LRRTM3: variants seen among roughly 807,000 people sequenced by gnomAD.
The protein encoded by LRRTM3 is leucine-rich repeat transmembrane neuronal protein 3.
Under a neutral mutation model 44.7 loss-of-function variants are expected in LRRTM3, and 24 were observed. The observed-to-expected ratio is 0.54, with a 90% confidence interval of 0.39 to 0.76. The LOEUF (loss-of-function observed/expected upper bound fraction) is 0.76. LRRTM3 is among the 30% of genes least tolerant of loss of function. The probability of loss-of-function intolerance (pLI) is 0.00; values close to 1 mark genes in which losing one functional copy is unlikely to be tolerated. For missense variants in LRRTM3, 587 were observed against 702.2 expected (o/e 0.84, Z 1.85); for synonymous variants, 277 against 278.7 (o/e 0.99, Z 0.06).
chr10:67,013,804 GC>G (rs1852484695), intron 2 of LRRTM3, among the ~76,000 whole-genome samples: 2 of 152,144 alleles, frequency 1.3e-5, no homozygotes, highest in South Asian at 4.2e-4. Context: ...CTTCTGATTT[GC>G]ATGAATTTTA....
intron 2 of LRRTM3, among the ~76,000 whole-genome samples, chr10:67,085,178 A>AT (rs1857232173): frequency 6.6e-6 from 1 of 151,942 alleles, no homozygotes; most frequent in Non-Finnish European, 1.5e-5. Context: ...AACACCTCAC[A>AT]TTTTTTATGT....
intron 2 of LRRTM3, among the ~76,000 whole-genome samples, chr10:66,959,781 T>C (rs1849017580): frequency 5.3e-5 from 8 of 152,164 alleles, no homozygotes. Context: ...TTTCTCTCTA[T>C]CCGACCAGAA....
At chr10:67,071,649 T>A (rs1856471855) in intron 2 of LRRTM3, among the ~76,000 whole-genome samples, 1 of 152,280 alleles carries the variant, frequency 6.6e-6, no homozygotes, top group African/African-American at 2.4e-5. Context: ...TGTGTGGCGG[T>A]CTTTCCAAAA....
intron 2 of LRRTM3, among the ~76,000 whole-genome samples, chr10:67,036,694 A>T (rs1028490379): frequency 6.6e-6 from 1 of 152,142 alleles, no homozygotes; most frequent in Admixed American, 6.5e-5. Context: ...TTTTTAAAGG[A>T]TAAATATCGA....
intron 2 of LRRTM3, among the ~76,000 whole-genome samples, chr10:67,064,718 G>T (rs1855963916): frequency 6.6e-6 from 1 of 152,126 alleles, no homozygotes; most frequent in Non-Finnish European, 1.5e-5. Flanking sequence ...ACTGTGTGAG[G>T]TATTAATTGA....
chr10:66,964,873 T>G (rs1334475956), intron 2 of LRRTM3, among the ~76,000 whole-genome samples: 3 of 152,100 alleles, frequency 2.0e-5, no homozygotes, highest in Non-Finnish European at 2.9e-5. Context: ...AAGTCACAAC[T>G]CAAAATTAAA....
At chr10:67,020,048 G>C (rs1852904521) in intron 2 of LRRTM3, among the ~76,000 whole-genome samples, 1 of 147,764 alleles carries the variant, frequency 6.8e-6, no homozygotes, top group Non-Finnish European at 1.5e-5. Context: ...AAGAAGTACA[G>C]TAGTTTAGAT....
chr10:67,066,285 C>T (rs1446555323), intron 2 of LRRTM3, among the ~76,000 whole-genome samples: 7 of 151,182 alleles, frequency 4.6e-5, no homozygotes, highest in South Asian at 2.1e-4. Context: ...CTCCGCCTCC[C>T]GGGTTCAAGA....
rs1269573475 is a variant in LRRTM3, at chr10:67,034,231, C to A, written c.1537-63356C>A. The stretch of plus-strand genomic sequence containing the variant: ...TTGCCAGGGCAACCGGGATCACTTT[C>A]TTTAACCACACTGGAGCTTATTCTG... On this transcript the variant is annotated intron_variant, in intron 2 of 2. Coordinates refer to ENST00000361320, the MANE Select transcript of LRRTM3 (RefSeq NM_178011.5). Among the ~76,000 whole-genome samples, 4 of 152,194 alleles carry A rather than the reference C, an allele frequency of 2.6e-5. No homozygotes were observed. The South Asian group carries it at 6.2e-4, about 24-fold the overall frequency.
chr10:66,926,899 T>A (rs780677944), intron 1 of LRRTM3, 22 bp from the exon 2 acceptor site: 2 of 1,538,794 alleles, frequency 1.3e-6, no homozygotes, highest in East Asian at 2.3e-5. Flanking sequence ...GGATAACTTT[T>A]CTAAGTTGTT....
At chr10:67,036,070 C>T (rs1015813039) in intron 2 of LRRTM3, among the ~76,000 whole-genome samples, 1 of 152,110 alleles carries the variant, frequency 6.6e-6, no homozygotes, top group Admixed American at 6.6e-5. Flanking sequence ...TTAGGCATGA[C>T]CTTATTTCTA....
chr10:66,930,145 C>T (rs1925575), intron 2 of LRRTM3, among the ~76,000 whole-genome samples: 61,027 of 151,974 alleles, frequency 0.4, 12,456 homozygotes, highest in Admixed American at 0.47. Context: ...GATGCCAGAT[C>T]ATTAAAATCA....
chr10:66,950,820 G>A (rs1848501029), intron 2 of LRRTM3, among the ~76,000 whole-genome samples: 1 of 152,142 alleles, frequency 6.6e-6, no homozygotes, highest in South Asian at 2.1e-4. Context: ...GGGGCATAGA[G>A]AGAGATTTTA....
chr10:66,966,204 T>C (rs1471596146), intron 2 of LRRTM3, among the ~76,000 whole-genome samples: 2 of 152,180 alleles, frequency 1.3e-5, no homozygotes, highest in African/African-American at 4.8e-5. Context: ...TCAGCATTAA[T>C]AAACGAAAAC....
At chr10:66,957,443 CAT>C (rs1266828606) in intron 2 of LRRTM3, among the ~76,000 whole-genome samples, 133 of 22,106 alleles carry the variant, frequency 6.0e-3, no homozygotes, top group Admixed American at 0.01. Flanking sequence ...TATATATATG[CAT>C]ATATATATAT....
chr10:67,042,603 G>A (rs1419433185), intron 2 of LRRTM3, among the ~76,000 whole-genome samples: 4 of 151,914 alleles, frequency 2.6e-5, no homozygotes, highest in Admixed American at 1.3e-4. Context: ...ACTGTCAGAA[G>A]CTAGGAGGAG....
intron 2 of LRRTM3, among the ~76,000 whole-genome samples, chr10:67,045,066 A>G (rs1272909323): frequency 6.6e-6 from 1 of 152,336 alleles, no homozygotes. Context: ...TATAGATGCC[A>G]AATATGAAAG....
intron 2 of LRRTM3, among the ~76,000 whole-genome samples, chr10:66,984,947 C>A (rs1482538774): frequency 6.6e-6 from 1 of 152,038 alleles, no homozygotes; most frequent in Non-Finnish European, 1.5e-5. Context: ...TAGGCACCTG[C>A]CTAGATCCCA....
At chr10:67,097,493 G>C in intron 2 of LRRTM3, 94 bp from the exon 3 acceptor site, 1 of 1,055,960 alleles carries the variant, frequency 9.5e-7, no homozygotes, top group Non-Finnish European at 1.4e-6. Flanking sequence ...TATAACCATG[G>C]AGGTTAGTCA....
Sources: gnomAD v4.1 joint callset for allele counts (sites outside exome capture counted in the v4.1 genomes callset) on GRCh38, gnomAD v4.1.1 for gene constraint, MANE v1.5 for transcripts, NCBI Gene and HGNC (gene_info 2026-07-23, HGNC 2026-07-21) for gene names.